ENOX1: variants seen among roughly 807,000 people sequenced by gnomAD.
ENOX1 encodes the protein candidate growth-related and time keeping constitutive hydroquinone (NADH) oxidase.
ENOX1 carries 42 observed loss-of-function variants against 82.5 expected under a neutral mutation model. The observed-to-expected ratio is 0.51, with a 90% CI of 0.40 to 0.66. The LOEUF is 0.66. Ranked by LOEUF, ENOX1 falls within the 30% of genes least tolerant of loss-of-function variation. The pLI, the probability that ENOX1 is intolerant of heterozygous loss-of-function variation, is 0.00. For synonymous variants in ENOX1, 271 were observed against 282.2 expected, an observed-to-expected ratio of 0.96 and a Z score of 0.40; for missense variants, 608 against 811.6, an observed-to-expected ratio of 0.75 and a Z score of 3.05.
At position 43,570,972 on chromosome 13, in the gene ENOX1, T is replaced by C. The variant is rs1210892243; in HGVS notation, c.-218-86820A>G. On this transcript the variant is annotated intron_variant, in intron 2 of 16. Coordinates refer to ENST00000690772, the MANE Select transcript of ENOX1 (RefSeq NM_001347969.2). ...ATGTTTCTATAAAGGGGAAAGAACA[T>C]CAACTCCACCAGAAGATACAGTCTC... 2.6e-5 allele frequency among the ~76,000 whole-genome samples: 4 copies of C among 152,310 alleles called. No homozygotes were observed. The East Asian group carries it at 7.7e-4, about 29-fold the overall frequency.
At chr13:43,438,809 T>A (rs932782875) in intron 3 of ENOX1, among the ~76,000 whole-genome samples, 3 of 152,068 alleles carry the variant, frequency 2.0e-5, no homozygotes, top group Non-Finnish European at 4.4e-5. Flanking sequence ...GGATCTGATG[T>A]GAGGTGCAGG....
chr13:43,782,397 AATAG>A (rs1247643176), intron 1 of ENOX1, among the ~76,000 whole-genome samples: 3 of 152,190 alleles, frequency 2.0e-5, no homozygotes, highest in Non-Finnish European at 4.4e-5. Flanking sequence ...GACAGTGGAA[AATAG>A]ATTTTTTTTA....
intron 2 of ENOX1, among the ~76,000 whole-genome samples, chr13:43,642,825 A>G (rs1294620680): frequency 6.6e-6 from 1 of 152,250 alleles, no homozygotes; most frequent in Non-Finnish European, 1.5e-5. Context: ...CCTGCCTAAT[A>G]GAGCTCAGAA....
chr13:43,466,695 C>T (rs9533503), intron 3 of ENOX1, among the ~76,000 whole-genome samples: 69,386 of 151,878 alleles, frequency 0.46, 16,251 homozygotes, highest in Non-Finnish European at 0.5. Context: ...CAGTTCAATG[C>T]TTTCTAGTAC....
chr13:43,725,751 A>G (rs1251776139), intron 1 of ENOX1, among the ~76,000 whole-genome samples: 1 of 151,218 alleles, frequency 6.6e-6, no homozygotes, highest in Non-Finnish European at 1.5e-5. Context: ...AGATCACTTG[A>G]GCTCAGGAGT....
Position 43,412,997 on chromosome 13 carries a change from C to T in ENOX1, c.-74-9G>A, listed in dbSNP as rs182327881. On this transcript the variant is annotated splice_polypyrimidine_tract_variant and intron_variant, in intron 3 of 16. Transcript: ENST00000690772. ...TCGGAGGTCATCAGATTCTGCAAAA[C>T]GGGACAGAAGTGTGGTGAGAAACCT... is the stretch of plus-strand genomic sequence containing the variant. 1.8e-4 allele frequency: 277 copies of T among 1,568,122 alleles called. 1 individual carries two copies. Among genetic ancestry groups the T allele is most frequent in the African/African-American group, 1.3e-3 (94 of 73,240 alleles).
At chr13:43,585,614 G>T (rs1293918349) in intron 2 of ENOX1, among the ~76,000 whole-genome samples, 1 of 152,164 alleles carries the variant, frequency 6.6e-6, no homozygotes, top group Non-Finnish European at 1.5e-5. Flanking sequence ...GTCTCACACT[G>T]TGGCCTGGGC....
At chr13:43,377,815 C>T (rs2051747924) in intron 5 of ENOX1, among the ~76,000 whole-genome samples, 1 of 152,126 alleles carries the variant, frequency 6.6e-6, no homozygotes, top group Admixed American at 6.5e-5. Context: ...TTTTGTCTCA[C>T]CAGAGCTGTC....
At chr13:43,252,119 G>C (rs1043616961) in intron 14 of ENOX1, among the ~76,000 whole-genome samples, 2 of 152,142 alleles carry the variant, frequency 1.3e-5, no homozygotes, top group Non-Finnish European at 2.9e-5. Flanking sequence ...AACATAAGTA[G>C]CTCACCAGCG....
chr13:43,227,647 T>C (rs2042085717), intron 15 of ENOX1, among the ~76,000 whole-genome samples: 3 of 152,174 alleles, frequency 2.0e-5, no homozygotes, highest in African/African-American at 7.2e-5. Context: ...ATTTTGCTCA[T>C]AACTAAGGGG....
intron 2 of ENOX1, among the ~76,000 whole-genome samples, chr13:43,506,930 T>C (rs904278003): frequency 1.3e-5 from 2 of 151,486 alleles, no homozygotes; most frequent in Non-Finnish European, 2.9e-5. Flanking sequence ...GGCACATGTA[T>C]ACATATGTAA....
intron 8 of ENOX1, among the ~76,000 whole-genome samples, chr13:43,347,079 TG>T (rs2049435977): frequency 6.6e-6 from 1 of 152,170 alleles, no homozygotes; most frequent in African/African-American, 2.4e-5. Context: ...CTCTTGCTTG[TG>T]GTCGCTTAGT....
intron 2 of ENOX1, among the ~76,000 whole-genome samples, chr13:43,619,560 C>A (rs1001609604): frequency 3.3e-5 from 5 of 151,868 alleles, no homozygotes; most frequent in African/African-American, 1.2e-4. Flanking sequence ...CATTTATTGA[C>A]TTGTGTATGT....
At chr13:43,614,517 A>G (rs1434432186) in intron 2 of ENOX1, among the ~76,000 whole-genome samples, 1 of 149,712 alleles carries the variant, frequency 6.7e-6, no homozygotes, top group Non-Finnish European at 1.5e-5. Flanking sequence ...TACTTTCCCC[A>G]TAAACATTTC....
chr13:43,428,934 A>T (rs899595550), intron 3 of ENOX1, among the ~76,000 whole-genome samples: 3 of 152,232 alleles, frequency 2.0e-5, no homozygotes, highest in Non-Finnish European at 4.4e-5. Context: ...ATCATGTGGG[A>T]CACTGAAATC....
At chr13:43,486,169 C>T (rs933816735) in intron 2 of ENOX1, among the ~76,000 whole-genome samples, 1 of 152,156 alleles carries the variant, frequency 6.6e-6, no homozygotes, top group African/African-American at 2.4e-5. Context: ...AAGATCGTAC[C>T]ACTGCATTCC....
At chr13:43,536,012 G>A (rs1377313877) in intron 2 of ENOX1, among the ~76,000 whole-genome samples, 1 of 152,176 alleles carries the variant, frequency 6.6e-6, no homozygotes, top group Non-Finnish European at 1.5e-5. Flanking sequence ...AAGCTGTGCA[G>A]TTCAGAAATG....
chr13:43,546,455 T>A (rs2078977487), intron 2 of ENOX1: 1 of 152,362 alleles, frequency 6.6e-6, no homozygotes, highest in Non-Finnish European at 1.5e-5. Flanking sequence ...GGCAGAGCAG[T>A]AGGGCCAGAC....
Position 43,338,744 on chromosome 13 carries a change from G to A in ENOX1, c.1036+5794C>T, listed in dbSNP as rs369990059. Among the ~76,000 whole-genome samples, 7 of 138,384 alleles carry A rather than the reference G, an allele frequency of 5.1e-5. No homozygotes were observed. The East Asian group carries it at 1.6e-3, about 31-fold the overall frequency. 90.8% of individuals were successfully genotyped at this position (138,384 alleles called of 152,430 possible). A position where few individuals can be genotyped will look rare whatever the true frequency, so the allele number is the denominator to read the frequency against. ...TCTGTCACCCAGGCTGGAGTGCAGT[G>A]GCGCCATCTCGGCTCACTGCAAGCT... is the stretch of plus-strand genomic sequence containing the variant. On this transcript the variant is annotated intron_variant, in intron 9 of 16. Coordinates refer to ENST00000690772, the MANE Select transcript of ENOX1 (RefSeq NM_001347969.2).
Sources: gnomAD v4.1 joint callset for allele counts (sites outside exome capture counted in the v4.1 genomes callset) on GRCh38, gnomAD v4.1.1 for gene constraint, MANE v1.5 for transcripts, NCBI Gene and HGNC (gene_info 2026-07-23, HGNC 2026-07-21) for gene names.